IRAG1: variants seen among roughly 807,000 people sequenced by gnomAD.
IRAG1 encodes IP3R-associated cGMP kinase substrate.
Under a neutral mutation model 106.2 loss-of-function variants are expected in IRAG1, and 62 were observed. The ratio of observed to expected loss-of-function variants is 0.58; its 90% CI spans 0.48 to 0.72. IRAG1 has a LOEUF of 0.72. Among genes scored for constraint, IRAG1 ranks in the 30% least tolerant of loss-of-function variants. The pLI is 0.00. For synonymous variants in IRAG1, 462 were observed against 443.9 expected (o/e 1.04, Z -0.51); for missense variants, 1,064 against 1,140.7 (o/e 0.93, Z 0.97).
rs141344563 is a variant in IRAG1 at position 10,628,594 on chromosome 11, G to GCC, written c.652+155_652+156dup. Among the ~76,000 whole-genome samples the GCC allele has an allele frequency of 6.6e-6, 1 of 152,042 alleles. No homozygotes were observed. The highest frequency in any genetic ancestry group is 2.4e-5 in the African/African-American group (1 of 41,388). Reference sequence around the variant, plus strand: ...GCCTCCTCTGGGTGGCCCAGCAAATGCCCCCCCTGGAGAGGGGTCTTGCTC... The same window carrying GCC: ...GCCTCCTCTGGGTGGCCCAGCAAATGCCCCCCCCCTGGAGAGGGGTCTTGCTC... On this transcript the variant is annotated intron_variant, in intron 6 of 20. Coordinates refer to ENST00000423302, the MANE Select transcript of IRAG1 (RefSeq NM_130385.4). The surrounding 1 kb of genome is among the most constrained non-coding windows in gnomAD (Gnocchi z 4.1).
chr11:10,636,283 C>T (rs10840451), intron 2 of IRAG1, among the ~76,000 whole-genome samples: 29,785 of 152,156 alleles, frequency 0.2, 4,466 homozygotes, highest in East Asian at 0.78. Context: ...CAAGTGATTG[C>T]CCTGGTTCAG....
intron 2 of IRAG1, among the ~76,000 whole-genome samples, chr11:10,639,616 C>T (rs1438916029): frequency 3.9e-5 from 6 of 152,196 alleles, no homozygotes; most frequent in African/African-American, 1.2e-4. Flanking sequence ...CTTTCCTTAA[C>T]GATTCTCACG....
chr11:10,634,816 AT>A (rs1416912527), intron 2 of IRAG1, among the ~76,000 whole-genome samples: 2 of 148,416 alleles, frequency 1.3e-5, no homozygotes, highest in Admixed American at 6.7e-5. Flanking sequence ...TTGTGTATAT[AT>A]TTTTCACATT....
At chr11:10,590,949 A>T (rs933853495) in intron 18 of IRAG1, among the ~76,000 whole-genome samples, 1 of 152,194 alleles carries the variant, frequency 6.6e-6, no homozygotes, top group Non-Finnish European at 1.5e-5. Context: ...CCCTTTCCCA[A>T]AGTGATTCTT....
chr11:10,622,777 G>A (rs1855927758), intron 10 of IRAG1, among the ~76,000 whole-genome samples: 1 of 151,612 alleles, frequency 6.6e-6, no homozygotes, highest in African/African-American at 2.4e-5. Flanking sequence ...GGGATTACAG[G>A]TTCACCTAGC....
intron 17 of IRAG1, 40 bp downstream of exon 17, chr11:10,593,452 C>G (rs1303761425): frequency 2.6e-6 from 4 of 1,561,018 alleles, no homozygotes; most frequent in Non-Finnish European, 3.5e-6. Context: ...AAAGGTTATT[C>G]TACTATTCTG....
At chr11:10,630,027 C>T in intron 4 of IRAG1, 1 of 303,096 alleles carries the variant, frequency 3.3e-6, no homozygotes, top group Non-Finnish European at 6.2e-6. Flanking sequence ...TCTGCGCCCC[C>T]AGTGCATTCT....
At chr11:10,664,752 T>TGGGCATCCTGGGAA (rs2135047747) in intron 1 of IRAG1, among the ~76,000 whole-genome samples, 1 of 152,330 alleles carries the variant, frequency 6.6e-6, no homozygotes, top group South Asian at 2.1e-4. Flanking sequence ...AAGACATTAC[T>TGGGCATCCTGGGAA]GGGCATCCTG....
intron 1 of IRAG1, among the ~76,000 whole-genome samples, chr11:10,690,083 T>C (rs1861944730): frequency 6.6e-6 from 1 of 152,196 alleles, no homozygotes; most frequent in Non-Finnish European, 1.5e-5. Flanking sequence ...TTACATGTCT[T>C]CTCCGCTAGG....
At chr11:10,672,168 C>T (rs1317799738) in intron 1 of IRAG1, among the ~76,000 whole-genome samples, 1 of 152,134 alleles carries the variant, frequency 6.6e-6, no homozygotes. Flanking sequence ...TAAAGTTGGA[C>T]CTCTTCCTAT....
chr11:10,594,156 G>T lies in IRAG1; in HGVS notation c.2057C>A (p.Thr686Lys). The T allele has an allele frequency of 6.2e-7, 1 of 1,609,100 alleles. No individual in the cohort carries two copies. The highest frequency in any genetic ancestry group is 8.5e-7 in the Non-Finnish European group (1 of 1,177,968). ...VPRTARSMSL[T>K]LGKNMPRRRV... ...CTTGAACATGCATACCTTTCCCAGC[G>T]TGAGGGACATGGACCGTGCCGTGCG... The change falls in exon 16 of 21, where the codon ACG becomes AAG. Residue 686 changes from threonine to lysine, a missense_variant. Transcript: ENST00000423302.
At chr11:10,629,224 T>A (rs1856505995) in intron 5 of IRAG1, among the ~76,000 whole-genome samples, 1 of 152,096 alleles carries the variant, frequency 6.6e-6, no homozygotes, top group South Asian at 2.1e-4. Context: ...CTTGCCCAAC[T>A]TTTTGCTCAG....
intron 1 of IRAG1, among the ~76,000 whole-genome samples, chr11:10,683,439 G>C (rs1164199205): frequency 6.6e-6 from 1 of 150,722 alleles, no homozygotes; most frequent in Non-Finnish European, 1.5e-5. Context: ...ATTTTACAAA[G>C]TAGTGGATAA....
chr11:10,577,204 G>A lies in IRAG1; in HGVS notation c.2496-629C>T, dbSNP rs113543777. On this transcript the variant is annotated intron_variant, in intron 20 of 20. Transcript: ENST00000423302. ...CAGAAGATTAGAAGCCTCTAGCAATGTCTGGGTGGTTTGTTCATGATGTTA... is the reference window on the plus strand; with the variant it reads ...CAGAAGATTAGAAGCCTCTAGCAATATCTGGGTGGTTTGTTCATGATGTTA... Among the ~76,000 whole-genome samples, 453 of 152,322 alleles carry A rather than the reference G, an allele frequency of 3.0e-3. 2 individuals are homozygous for A. Among genetic ancestry groups the A allele is most frequent in the African/African-American group, 0.011 (440 of 41,568 alleles).
intron 18 of IRAG1, 108 bp downstream of exon 18, chr11:10,591,440 A>C: frequency 9.8e-7 from 1 of 1,016,450 alleles, no homozygotes; most frequent in South Asian, 1.4e-5. Flanking sequence ...CTTAAAACTT[A>C]ATTTGCTTTC....
intron 1 of IRAG1, among the ~76,000 whole-genome samples, chr11:10,670,309 G>A (rs1312123614): frequency 6.6e-6 from 1 of 152,148 alleles, no homozygotes; most frequent in African/African-American, 2.4e-5. Flanking sequence ...TCAAATTCTA[G>A]GTGTTATGTA....
rs1227063792 is a variant in IRAG1 at position 10,665,814 on chromosome 11, G to A, written c.68-13632C>T. On this transcript the variant is annotated intron_variant, in intron 1 of 20. Transcript: ENST00000423302. The surrounding 1 kb of genome is among the most constrained non-coding windows in gnomAD (Gnocchi z 4.2). ...TAGACTCTGAGCTGAACTGCAGGAT[G>A]GTGGGTGTGTACACAAGAAGACACG... Among the ~76,000 whole-genome samples, 1 of 152,212 alleles carries A rather than the reference G, an allele frequency of 6.6e-6. No individual in the cohort carries two copies. Among genetic ancestry groups the A allele is most frequent in the Admixed American group, 6.5e-5 (1 of 15,286 alleles).
intron 2 of IRAG1, among the ~76,000 whole-genome samples, chr11:10,634,493 G>A (rs923629512): frequency 3.3e-5 from 5 of 152,098 alleles, no homozygotes; most frequent in Non-Finnish European, 7.4e-5. Flanking sequence ...TCCCCAGAAC[G>A]TATTCACCTC....
chr11:10,689,233 G>C (rs1405294240), intron 1 of IRAG1, among the ~76,000 whole-genome samples: 1 of 152,046 alleles, frequency 6.6e-6, no homozygotes, highest in Non-Finnish European at 1.5e-5. Flanking sequence ...AGATGGTGAA[G>C]GCATATGAGG....
Sources: gnomAD v4.1 joint callset for allele counts (sites outside exome capture counted in the v4.1 genomes callset) on GRCh38, gnomAD v4.1.1 for gene constraint, Gnocchi (gnomAD v3.1) non-coding constraint, MANE v1.5 for transcripts, NCBI Gene and HGNC (gene_info 2026-07-23, HGNC 2026-07-21) for gene names.